Variants in DYRK1A observed in about 807,000 individuals in gnomAD.
DYRK1A encodes dual specificity tyrosine phosphorylation regulated kinase 1A, also known as dual specificity tyrosine-phosphorylation-regulated kinase 1A.
Under a neutral mutation model 79.7 loss-of-function variants are expected in DYRK1A, and 9 were observed. That is an observed-to-expected ratio of 0.11 (90% CI 0.07 to 0.20). The LOEUF (loss-of-function observed/expected upper bound fraction) is 0.20. Among genes scored for constraint, DYRK1A ranks in the 10% least tolerant of loss-of-function variants. DYRK1A has a pLI of 1.00. For missense variants in DYRK1A, 622 were observed against 956.0 expected, an observed-to-expected ratio of 0.65 and a Z score of 4.61; for synonymous variants, 349 against 329.7, an observed-to-expected ratio of 1.06 and a Z score of -0.63.
At chr21:37,411,001 A>G (rs2050231565) in intron 1 of DYRK1A, among the ~76,000 whole-genome samples, 1 of 137,636 alleles carries the variant, frequency 7.3e-6, no homozygotes, top group Admixed American at 7.9e-5. Context: ...GCGAGCTGAG[A>G]TTGTGCCACT....
At chr21:37,403,636 A>T (rs1361123015) in intron 1 of DYRK1A, among the ~76,000 whole-genome samples, 489 of 34,030 alleles carry the variant, frequency 0.014, 3 homozygotes, top group African/African-American at 0.083. Flanking sequence ...CAGCTAATTA[A>T]AAAAAAAAAA....
intron 2 of DYRK1A, among the ~76,000 whole-genome samples, chr21:37,463,355 C>T (rs2051916310): frequency 6.6e-6 from 1 of 152,152 alleles, no homozygotes; most frequent in Non-Finnish European, 1.5e-5. Context: ...ACAGTCATTG[C>T]TTACTTTCAC....
intron 2 of DYRK1A, among the ~76,000 whole-genome samples, chr21:37,432,034 G>C (rs879597250): frequency 6.6e-6 from 1 of 152,090 alleles, no homozygotes; most frequent in Non-Finnish European, 1.5e-5. Context: ...GAATCTTTTT[G>C]TTTTGACAAT....
intron 1 of DYRK1A, among the ~76,000 whole-genome samples, chr21:37,392,598 G>A (rs1036357621): frequency 6.6e-6 from 1 of 152,170 alleles, no homozygotes; most frequent in African/African-American, 2.4e-5. Flanking sequence ...CTCACATGAT[G>A]GAAGGGCAGG....
Position 37,512,754 on chromosome 21 carries a change from A to G in DYRK1A, c.*223A>G. ...CCATCTTCATGGATAGCTCAGAGGTATCCTCTTTTTGCTCCCCCATTTTAA... is the reference window on the plus strand; with the variant it reads ...CCATCTTCATGGATAGCTCAGAGGTGTCCTCTTTTTGCTCCCCCATTTTAA... On this transcript the variant is annotated 3_prime_UTR_variant, in exon 12 of 12. Coordinates refer to ENST00000647188, the MANE Select transcript of DYRK1A (RefSeq NM_001347721.2). The G allele has an allele frequency of 2.0e-6, 1 of 512,666 alleles. No individual in the cohort carries two copies. The allele number at this position is 512,666 out of a possible 1,614,324, so 31.8% of individuals were successfully genotyped here. A position where few individuals can be genotyped will look rare whatever the true frequency, so the allele number is the denominator to read the frequency against.
chr21:37,419,414 T>A (rs560217999), intron 1 of DYRK1A: 7 of 152,244 alleles, frequency 4.6e-5, no homozygotes, highest in African/African-American at 1.4e-4. Flanking sequence ...ATTGAAGAAG[T>A]TTTGGTATTT....
At chr21:37,449,305 A>G (rs529462089) in intron 2 of DYRK1A, among the ~76,000 whole-genome samples, 1 of 152,334 alleles carries the variant, frequency 6.6e-6, no homozygotes, top group South Asian at 2.1e-4. Context: ...AAATCAGTAG[A>G]ATTTCTTGCC....
At chr21:37,478,546 T>A (rs1292735132) in intron 4 of DYRK1A, among the ~76,000 whole-genome samples, 1 of 152,116 alleles carries the variant, frequency 6.6e-6, no homozygotes, top group Non-Finnish European at 1.5e-5. Context: ...TACTGTTATT[T>A]CTTTTTTTAA....
chr21:37,501,595 C>G (rs2053454298), intron 9 of DYRK1A: 1 of 152,084 alleles, frequency 6.6e-6, no homozygotes, highest in African/African-American at 2.4e-5. Context: ...TTATTGAGTT[C>G]TAGTTTAGTA....
intron 2 of DYRK1A, among the ~76,000 whole-genome samples, chr21:37,449,611 A>G (rs1447810213): frequency 6.6e-6 from 1 of 151,938 alleles, no homozygotes; most frequent in Non-Finnish European, 1.5e-5. Flanking sequence ...TGACTCAGGG[A>G]AAAAAATGCC....
intron 1 of DYRK1A, among the ~76,000 whole-genome samples, chr21:37,369,454 T>C (rs1233714043): frequency 6.6e-6 from 1 of 152,242 alleles, no homozygotes; most frequent in East Asian, 1.9e-4. Flanking sequence ...CCCAGTACTT[T>C]GGAGGATTTT....
chr21:37,468,421 TGAA>T (rs1334506654), intron 2 of DYRK1A, among the ~76,000 whole-genome samples: 1 of 152,176 alleles, frequency 6.6e-6, no homozygotes, highest in Non-Finnish European at 1.5e-5. Flanking sequence ...AAAACATTCT[TGAA>T]GAAGAACAGA....
At position 37,493,159 on chromosome 21, in the gene DYRK1A, A is replaced by G. The variant is rs756333908; in HGVS notation, c.1067A>G (p.Asn356Ser). ...HTGEPLFSGA[N>S]EVDQMNKIVE... ...GGAGAACCTCTGTTCAGTGGTGCCA[A>G]TGAGGTAAATGATGTATTGCTTTAC... Residue 356 changes from asparagine (N) to serine (S), a missense_variant, in exon 8 of 12, where the codon AAT becomes AGT. Coordinates refer to ENST00000647188, the MANE Select transcript of DYRK1A (RefSeq NM_001347721.2). The G allele has an allele frequency of 3.1e-6, 5 of 1,603,578 alleles. No homozygotes were observed. Among genetic ancestry groups the G allele is most frequent in the East Asian group, 2.2e-5 (1 of 44,624 alleles).
chr21:37,451,299 G>A (rs1404649584), intron 2 of DYRK1A, among the ~76,000 whole-genome samples: 1 of 152,040 alleles, frequency 6.6e-6, no homozygotes, highest in Non-Finnish European at 1.5e-5. Flanking sequence ...CGTAGTAGAC[G>A]GTTTAATGTC....
intron 1 of DYRK1A, among the ~76,000 whole-genome samples, chr21:37,409,051 G>T (rs1051360316): frequency 7.9e-5 from 12 of 152,270 alleles, no homozygotes; most frequent in African/African-American, 2.2e-4. Context: ...CTGGCATTGG[G>T]TTTGGACGTG....
chr21:37,447,933 A>G (rs1351896159), intron 2 of DYRK1A, among the ~76,000 whole-genome samples: 2 of 152,206 alleles, frequency 1.3e-5, no homozygotes, highest in African/African-American at 4.8e-5. Flanking sequence ...ATTCGGAATT[A>G]ACAAGTTTAT....
intron 2 of DYRK1A, among the ~76,000 whole-genome samples, chr21:37,447,438 A>C (rs2051310208): frequency 6.6e-6 from 1 of 152,172 alleles, no homozygotes; most frequent in Non-Finnish European, 1.5e-5. Context: ...TCAAGCCTTT[A>C]AGACCTAAAG....
intron 2 of DYRK1A, among the ~76,000 whole-genome samples, chr21:37,449,721 T>C (rs1175635674): frequency 1.3e-5 from 2 of 152,188 alleles, no homozygotes; most frequent in Non-Finnish European, 2.9e-5. Context: ...CGTTTTTGCT[T>C]TTCCTTTTCT....
chr21:37,486,668 G>T, intron 6 of DYRK1A, 54 bp downstream of exon 6: 1 of 1,365,472 alleles, frequency 7.3e-7, no homozygotes. Flanking sequence ...AAAACTTTGA[G>T]TTAATGGTTC....
Sources: allele counts gnomAD v4.1 joint callset (sites outside exome capture counted in the v4.1 genomes callset), GRCh38; gene constraint gnomAD v4.1.1; transcripts MANE v1.5; gene names NCBI Gene and HGNC (gene_info 2026-07-23, HGNC 2026-07-21).